ROR1: variants seen among roughly 807,000 people sequenced by gnomAD.
The protein encoded by ROR1 is ROR family WNT receptor 1, also known as inactive tyrosine-protein kinase transmembrane receptor ROR1.
Under a neutral mutation model 78.8 loss-of-function variants are expected in ROR1, and 19 were observed. The ratio of observed to expected loss-of-function variants is 0.24; its 90% CI spans 0.17 to 0.35. ROR1 has a LOEUF of 0.35. Ranked by LOEUF, ROR1 falls within the 10% of genes least tolerant of loss-of-function variation. The pLI is 1.00. For synonymous variants in ROR1, 386 were observed against 433.6 expected, an observed-to-expected ratio of 0.89 and a Z score of 1.36; for missense variants, 917 against 1,177.8, an observed-to-expected ratio of 0.78 and a Z score of 3.24.
At chr1:64,062,610 C>A (rs1299244341) in intron 4 of ROR1, among the ~76,000 whole-genome samples, 1 of 152,016 alleles carries the variant, frequency 6.6e-6, no homozygotes, top group African/African-American at 2.4e-5. Context: ...TGTGCCCGGC[C>A]CATGTGGGTG....
chr1:64,069,183 A>T (rs1043996380), intron 4 of ROR1, among the ~76,000 whole-genome samples: 10 of 152,154 alleles, frequency 6.6e-5, no homozygotes, highest in Admixed American at 5.2e-4. Flanking sequence ...TTTAAAAAAA[A>T]AATCAAAATC....
intron 1 of ROR1, among the ~76,000 whole-genome samples, chr1:63,844,226 C>T (rs1407149500): frequency 6.6e-6 from 1 of 152,158 alleles, no homozygotes; most frequent in African/African-American, 2.4e-5. Flanking sequence ...CCACTCTCTG[C>T]CTCGCACTTT....
intron 2 of ROR1, among the ~76,000 whole-genome samples, chr1:64,015,553 G>A (rs2100550505): frequency 6.6e-6 from 1 of 152,264 alleles, no homozygotes; most frequent in African/African-American, 2.4e-5. Flanking sequence ...GTATTGACTG[G>A]CCTATAGCTT....
chr1:63,857,568 A>G (rs1645156583), intron 1 of ROR1, among the ~76,000 whole-genome samples: 1 of 152,200 alleles, frequency 6.6e-6, no homozygotes, highest in Non-Finnish European at 1.5e-5. Context: ...TGGATTTGGC[A>G]TTGGAAAACC....
At chr1:64,070,816 C>T (rs574953595) in intron 4 of ROR1, among the ~76,000 whole-genome samples, 20 of 152,122 alleles carry the variant, frequency 1.3e-4, no homozygotes, top group South Asian at 4.2e-4. Flanking sequence ...GAGAAATGGA[C>T]GATAAACATG....
chr1:64,149,273 A>C (rs894500726), intron 7 of ROR1, among the ~76,000 whole-genome samples: 1 of 152,204 alleles, frequency 6.6e-6, no homozygotes, highest in African/African-American at 2.4e-5. Context: ...TTTTTACTGA[A>C]GCCGAGATTC....
At chr1:64,137,331 T>C in intron 4 of ROR1, 38 bp from the exon 5 acceptor site, 1 of 1,612,244 alleles carries the variant, frequency 6.2e-7, no homozygotes, top group East Asian at 2.2e-5. Flanking sequence ...TGTATGTATG[T>C]GGTGCATCAG....
At chr1:63,907,264 G>A (rs1645536725) in intron 1 of ROR1, among the ~76,000 whole-genome samples, 1 of 152,172 alleles carries the variant, frequency 6.6e-6, no homozygotes, top group Non-Finnish European at 1.5e-5. Flanking sequence ...GGGACTTGGC[G>A]ATGTTGGCAA....
At chr1:64,115,423 C>T (rs1020475396) in intron 4 of ROR1, among the ~76,000 whole-genome samples, 3 of 151,680 alleles carry the variant, frequency 2.0e-5, no homozygotes, top group African/African-American at 7.3e-5. Flanking sequence ...TTTGTAGAGA[C>T]AGGTCTTGTC....
intron 1 of ROR1, among the ~76,000 whole-genome samples, chr1:63,872,692 A>G (rs1645259679): frequency 6.6e-6 from 1 of 152,160 alleles, no homozygotes; most frequent in South Asian, 2.1e-4. Flanking sequence ...CTTGGCTTAA[A>G]AAGTGGGGAA....
intron 1 of ROR1, among the ~76,000 whole-genome samples, chr1:63,926,047 T>G (rs1000495948): frequency 6.6e-6 from 1 of 152,160 alleles, no homozygotes; most frequent in Non-Finnish European, 1.5e-5. Context: ...TTTTGTCTTT[T>G]GTTGCCATTG....
At chr1:64,120,478 A>T (rs1474645013) in intron 4 of ROR1, among the ~76,000 whole-genome samples, 1 of 152,238 alleles carries the variant, frequency 6.6e-6, no homozygotes, top group Non-Finnish European at 1.5e-5. Context: ...TGTAATAAAT[A>T]TAAAAATATG....
At chr1:63,930,192 T>C (rs537382642) in intron 1 of ROR1, among the ~76,000 whole-genome samples, 3 of 152,136 alleles carry the variant, frequency 2.0e-5, no homozygotes, top group Admixed American at 6.6e-5. Context: ...TTTAATGGGT[T>C]CTCCTCTCTC....
chr1:64,026,452 T>C (rs941784980), intron 2 of ROR1, among the ~76,000 whole-genome samples: 2 of 152,230 alleles, frequency 1.3e-5, no homozygotes, highest in Non-Finnish European at 2.9e-5. Flanking sequence ...ATGACTCAAG[T>C]TTTCCTTTAG....
chr1:64,164,554 A>G (rs4915658), intron 8 of ROR1, among the ~76,000 whole-genome samples: 75,923 of 152,038 alleles, frequency 0.5, 20,431 homozygotes, highest in Non-Finnish European at 0.6. Context: ...GTACTTAATA[A>G]CCAGAAATTA....
At chr1:63,980,955 T>C (rs1314629499) in intron 1 of ROR1, among the ~76,000 whole-genome samples, 1 of 151,580 alleles carries the variant, frequency 6.6e-6, no homozygotes, top group Non-Finnish European at 1.5e-5. Context: ...GCTGTTCTGA[T>C]CCTCTTAGCA....
At chr1:63,876,347 T>G (rs1454375752) in intron 1 of ROR1, among the ~76,000 whole-genome samples, 1 of 152,168 alleles carries the variant, frequency 6.6e-6, no homozygotes, top group Non-Finnish European at 1.5e-5. Context: ...CAGAAGAATT[T>G]CATTTTTTAC....
rs565789904 is a variant in ROR1 at position 64,067,525 on chromosome 1, A to G, written c.482+16809A>G. Among the ~76,000 whole-genome samples, 4 of 150,648 alleles carry G rather than the reference A, an allele frequency of 2.7e-5. No homozygotes were observed. The East Asian group carries it at 5.8e-4, about 22-fold the overall frequency. The stretch of plus-strand genomic sequence containing the variant: ...AATGAATAATTAAAAACATAGGTTC[A>G]CATTCCCAAGTTATTTCAAATATAC... On this transcript the variant is annotated intron_variant, in intron 4 of 8. Transcript: ENST00000371079.
intron 8 of ROR1, among the ~76,000 whole-genome samples, chr1:64,173,321 C>T (rs1300757622): frequency 6.6e-6 from 1 of 152,150 alleles, no homozygotes; most frequent in East Asian, 1.9e-4. Context: ...CTATATGGCC[C>T]ACTGGATATT....
Sources: gnomAD v4.1 joint callset for allele counts (sites outside exome capture counted in the v4.1 genomes callset) on GRCh38, gnomAD v4.1.1 for gene constraint, MANE v1.5 for transcripts, NCBI Gene and HGNC (gene_info 2026-07-23, HGNC 2026-07-21) for gene names.